SPMIP11: variants seen among roughly 807,000 people sequenced by gnomAD.
The protein encoded by SPMIP11 is long intergenic non-protein coding RNA 935.
chr12:48,732,685 G>C, the SPMIP11 span, among the ~76,000 whole-genome samples: 1 of 151,458 alleles, frequency 6.6e-6, no homozygotes, highest in South Asian at 2.1e-4. Context: ...CAGGAGAATC[G>C]CTTGAACCCA....
At chr12:48,745,957 C>T in the SPMIP11 span, among the ~76,000 whole-genome samples, 1 of 152,118 alleles carries the variant, frequency 6.6e-6, no homozygotes. Context: ...TAAAAAGCTT[C>T]TAAGTAAAGC....
the SPMIP11 span, among the ~76,000 whole-genome samples, chr12:48,763,831 A>C: frequency 6.6e-6 from 1 of 151,846 alleles, no homozygotes; most frequent in African/African-American, 2.4e-5. Context: ...GGCACCCCCC[A>C]CGATGCCCTG....
chr12:48,763,560 T>TA, the SPMIP11 span, among the ~76,000 whole-genome samples: 2 of 152,120 alleles, frequency 1.3e-5, no homozygotes, highest in Non-Finnish European at 2.9e-5. Context: ...TTAGGGATTT[T>TA]AAAAAAATTA....
At chr12:48,768,314 C>T in the SPMIP11 span, 1 of 513,288 alleles carries the variant, frequency 1.9e-6, no homozygotes, top group East Asian at 3.6e-5. Context: ...TGCTACTGAC[C>T]CCTCCCCTGC....
At chr12:48,768,518 C>T in the SPMIP11 span, 2 of 1,609,368 alleles carry the variant, frequency 1.2e-6, no homozygotes, top group Non-Finnish European at 1.7e-6. Flanking sequence ...CCTGCCACAG[C>T]TCCACCCAGT....
the SPMIP11 span, among the ~76,000 whole-genome samples, chr12:48,743,227 T>C: frequency 6.8e-6 from 1 of 147,012 alleles, no homozygotes; most frequent in African/African-American, 2.5e-5. Flanking sequence ...ACCCCATCTC[T>C]ACTAAAAAAA....
chr12:48,733,764 C>CTTTTTT, the SPMIP11 span, among the ~76,000 whole-genome samples: 45 of 82,888 alleles, frequency 5.4e-4, no homozygotes, highest in East Asian at 1.5e-3. Flanking sequence ...AATGCAGATT[C>CTTTTTT]TTTTTTTTTT....
At chr12:48,733,903 T>A in the SPMIP11 span, among the ~76,000 whole-genome samples, 1 of 150,864 alleles carries the variant, frequency 6.6e-6, no homozygotes, top group Non-Finnish European at 1.5e-5. Flanking sequence ...CCCGAGTAGC[T>A]GGTACTACAG....
the SPMIP11 span, among the ~76,000 whole-genome samples, chr12:48,734,911 A>T: frequency 6.7e-6 from 1 of 148,602 alleles, no homozygotes; most frequent in African/African-American, 2.5e-5. Flanking sequence ...AGGCTGAGGC[A>T]GGAGAATGGC....
At chr12:48,768,772 AG>A in the SPMIP11 span, 7 of 1,594,046 alleles carry the variant, frequency 4.4e-6, no homozygotes, top group Non-Finnish European at 6.0e-6. Flanking sequence ...CTGCATTTGC[AG>A]GGGCCCAGGG....
the SPMIP11 span, among the ~76,000 whole-genome samples, chr12:48,764,170 G>A: frequency 6.7e-6 from 1 of 149,744 alleles, no homozygotes; most frequent in East Asian, 2.0e-4. Flanking sequence ...TTTTTTTTTA[G>A]TAGAGACGGG....
At chr12:48,753,696 T>C in the SPMIP11 span, among the ~76,000 whole-genome samples, 236 of 141,420 alleles carry the variant, frequency 1.7e-3, no homozygotes, top group African/African-American at 6.3e-3. Context: ...TTTTTTCTTT[T>C]TTTTTTTTTT....
chr12:48,765,766 G>A, the SPMIP11 span: 3 of 683,916 alleles, frequency 4.4e-6, no homozygotes, highest in African/African-American at 5.3e-5. Flanking sequence ...GATGGAGAAA[G>A]CACAGTAAAC....
chr12:48,764,853 C>T, the SPMIP11 span: 82 of 702,768 alleles, frequency 1.2e-4, no homozygotes, highest in East Asian at 2.0e-3. Flanking sequence ...CCATTCAGTT[C>T]CCAATCAGGT....
At chr12:48,736,205 AC>A in the SPMIP11 span, 1 of 372,336 alleles carries the variant, frequency 2.7e-6, no homozygotes, top group Non-Finnish European at 5.2e-6. Flanking sequence ...GGAATTAGAG[AC>A]CAGGATGAAC....
At chr12:48,746,228 TA>T in the SPMIP11 span, among the ~76,000 whole-genome samples, 1 of 152,106 alleles carries the variant, frequency 6.6e-6, no homozygotes, top group Admixed American at 6.6e-5. Context: ...AGTGCTTTTT[TA>T]AAAAAAATTT....
chr12:48,760,449 A>G, the SPMIP11 span, among the ~76,000 whole-genome samples: 1 of 152,114 alleles, frequency 6.6e-6, no homozygotes, highest in African/African-American at 2.4e-5. Context: ...CAGTGCTGGG[A>G]TTACAGGTGT....
the SPMIP11 span, among the ~76,000 whole-genome samples, chr12:48,728,707 CAAAAAAAAAAAAAA>C: frequency 2.8e-5 from 2 of 70,972 alleles, no homozygotes; most frequent in Non-Finnish European, 5.1e-5. Flanking sequence ...GACTCTGTCT[CAAAAAAAAAAAAAA>C]AAAAAAAAAA....
At chr12:48,734,507 T>G in the SPMIP11 span, among the ~76,000 whole-genome samples, 1 of 152,134 alleles carries the variant, frequency 6.6e-6, no homozygotes, top group Admixed American at 6.6e-5. Context: ...TTTTCCAGTA[T>G]AGGTATATCA....
Sources: allele counts gnomAD v4.1 joint callset (sites outside exome capture counted in the v4.1 genomes callset), GRCh38; gene constraint gnomAD v4.1.1; transcripts MANE v1.5; gene names NCBI Gene and HGNC (gene_info 2026-07-23, HGNC 2026-07-21).